The following THSD7B variants were observed in gnomAD, a reference collection of about 807,000 sequenced individuals.
The protein encoded by THSD7B is thrombospondin type-1 domain-containing protein 7B.
Under a neutral mutation model 213.6 loss-of-function variants are expected in THSD7B, and 138 were observed. The observed-to-expected ratio is 0.65, with a 90% confidence interval of 0.56 to 0.74. THSD7B has a LOEUF of 0.74. Ranked by LOEUF, THSD7B falls within the 30% of genes least tolerant of loss-of-function variation. The pLI is 0.00. For synonymous variants in THSD7B, 742 were observed against 687.0 expected (o/e 1.08, Z -1.25); for missense variants, 1,931 against 1,991.5 (o/e 0.97, Z 0.58).
At position 137,333,640 on chromosome 2, in the gene THSD7B, T is replaced by G. The variant is rs994745028; in HGVS notation, c.2500+57614T>G. On this transcript the variant is annotated intron_variant, in intron 12 of 27. Coordinates refer to ENST00000409968, the MANE Select transcript of THSD7B (RefSeq NM_001316349.2). ...AGGTCTCCCTATGACATCCTGTGTC[T>G]TCTTTGCACTGGTTACAAGTTTCAC... 7.2e-5 allele frequency among the ~76,000 whole-genome samples: 11 copies of G among 152,336 alleles called. No individual in the cohort carries two copies. The East Asian group carries it at 1.9e-3, about 27-fold the overall frequency.
At chr2:136,952,565 A>G (rs1558865209) in intron 2 of THSD7B, among the ~76,000 whole-genome samples, 1 of 150,460 alleles carries the variant, frequency 6.6e-6, no homozygotes, top group Non-Finnish European at 1.5e-5. Flanking sequence ...TATCTGAGTT[A>G]TTACAGTAAA....
chr2:137,139,092 A>G (rs1468164447), intron 5 of THSD7B, among the ~76,000 whole-genome samples: 1 of 151,960 alleles, frequency 6.6e-6, no homozygotes, highest in African/African-American at 2.4e-5. Flanking sequence ...TCAATTTTAT[A>G]TTGGTTTTTC....
At chr2:137,260,993 GTAGA>G (rs1558976828) in intron 10 of THSD7B, among the ~76,000 whole-genome samples, 1 of 151,646 alleles carries the variant, frequency 6.6e-6, no homozygotes, top group Non-Finnish European at 1.5e-5. Flanking sequence ...TTTGTTTTTT[GTAGA>G]TATGGGGGTC....
chr2:137,105,985 G>T (rs893776148), intron 4 of THSD7B, among the ~76,000 whole-genome samples: 1 of 152,138 alleles, frequency 6.6e-6, no homozygotes, highest in South Asian at 2.1e-4. Flanking sequence ...GTAATTTATA[G>T]ATTCAGTGCT....
At chr2:137,585,990 T>C (rs934464536) in intron 17 of THSD7B, among the ~76,000 whole-genome samples, 4 of 152,020 alleles carry the variant, frequency 2.6e-5, no homozygotes, top group African/African-American at 9.7e-5. Context: ...TGTAGGTCTC[T>C]AAGGACTTGC....
chr2:137,317,730 C>T (rs1684156976), intron 12 of THSD7B, among the ~76,000 whole-genome samples: 1 of 152,126 alleles, frequency 6.6e-6, no homozygotes, highest in African/African-American at 2.4e-5. Flanking sequence ...GCCTGGGCAA[C>T]ATAACCAGAC....
At chr2:136,950,189 T>G (rs1573728983) in intron 2 of THSD7B, among the ~76,000 whole-genome samples, 1 of 151,950 alleles carries the variant, frequency 6.6e-6, no homozygotes, top group African/African-American at 2.4e-5. Context: ...AAGGCGGAGG[T>G]TGCAGTGAGC....
rs538617133 is a variant in THSD7B, at chr2:137,034,512, A to G, written c.140-21908A>G. On this transcript the variant is annotated intron_variant, in intron 2 of 27. Transcript: ENST00000409968. ...TACATGGGCCGAAGTGGTTTGCTGC[A>G]CTTATTAACCCGTCATCTAGGTTTT... 2.6e-5 allele frequency among the ~76,000 whole-genome samples: 4 copies of G among 152,190 alleles called. No individual in the cohort carries two copies. In the South Asian group the frequency reaches 8.3e-4, roughly 32 times the overall value.
chr2:137,327,943 A>AT (rs1466519883), intron 12 of THSD7B, among the ~76,000 whole-genome samples: 2 of 152,132 alleles, frequency 1.3e-5, no homozygotes, highest in African/African-American at 2.4e-5. Flanking sequence ...CCAAGTTGAC[A>AT]TTTTTTTCGC....
At chr2:137,434,853 A>T (rs961822674) in intron 14 of THSD7B, among the ~76,000 whole-genome samples, 21 of 152,102 alleles carry the variant, frequency 1.4e-4, no homozygotes, top group African/African-American at 4.6e-4. Flanking sequence ...CTCTCCCTCA[A>T]GGTTGCCTTA....
chr2:137,457,107 A>G (rs574746931), intron 15 of THSD7B, among the ~76,000 whole-genome samples: 2 of 152,104 alleles, frequency 1.3e-5, no homozygotes, highest in South Asian at 4.2e-4. Flanking sequence ...CTCCCCCAAC[A>G]TTTGTATCCA....
At chr2:137,671,215 G>T (rs1455194529) in intron 27 of THSD7B, among the ~76,000 whole-genome samples, 2 of 141,110 alleles carry the variant, frequency 1.4e-5, no homozygotes, top group Non-Finnish European at 3.0e-5. Context: ...TATTTGTGTT[G>T]TGTGTATATT....
At chr2:137,393,170 T>A (rs1346275455) in intron 12 of THSD7B, among the ~76,000 whole-genome samples, 1 of 143,616 alleles carries the variant, frequency 7.0e-6, no homozygotes. Context: ...ATTTTTTTTT[T>A]TTATTATACT....
At chr2:137,639,547 C>G (rs910592211) in intron 20 of THSD7B, among the ~76,000 whole-genome samples, 9 of 152,094 alleles carry the variant, frequency 5.9e-5, no homozygotes, top group Admixed American at 2.6e-4. Flanking sequence ...TGTTCTACAT[C>G]CTCGTGAATG....
intron 14 of THSD7B, among the ~76,000 whole-genome samples, chr2:137,446,490 T>G (rs111583826): frequency 0.017 from 2,572 of 152,186 alleles, 67 homozygotes; most frequent in African/African-American, 0.059. Context: ...AGGGATAGTA[T>G]TAATGCATCC....
intron 2 of THSD7B, among the ~76,000 whole-genome samples, chr2:137,008,837 TG>T (rs1686168450): frequency 3.3e-5 from 5 of 152,192 alleles, no homozygotes; most frequent in Admixed American, 3.3e-4. Context: ...GACCTTAAAG[TG>T]TTTTCTTTTT....
chr2:137,485,794 C>A (rs1346836453), intron 15 of THSD7B, among the ~76,000 whole-genome samples: 4 of 152,208 alleles, frequency 2.6e-5, no homozygotes, highest in Non-Finnish European at 5.9e-5. Context: ...AACAGCGGAT[C>A]TCTCAGCAGA....
chr2:137,594,911 G>A (rs1022254360), intron 17 of THSD7B, among the ~76,000 whole-genome samples: 7 of 151,854 alleles, frequency 4.6e-5, no homozygotes, highest in African/African-American at 1.7e-4. Context: ...AGTGTTCAGT[G>A]TAGATGTTCT....
intron 26 of THSD7B, among the ~76,000 whole-genome samples, chr2:137,665,560 C>A (rs1683430289): frequency 6.6e-6 from 1 of 151,944 alleles, no homozygotes; most frequent in Non-Finnish European, 1.5e-5. Context: ...TAAATTAGAG[C>A]ACCCTGTCAG....
Sources: gnomAD v4.1 joint callset for allele counts (sites outside exome capture counted in the v4.1 genomes callset) on GRCh38, gnomAD v4.1.1 for gene constraint, MANE v1.5 for transcripts, NCBI Gene and HGNC (gene_info 2026-07-23, HGNC 2026-07-21) for gene names.